The following PCID2 variants were observed in gnomAD, a reference collection of about 807,000 sequenced individuals.
PCID2 encodes the protein PCI domain-containing protein 2.
Under a neutral mutation model 61.3 loss-of-function variants are expected in PCID2, and 41 were observed. That is an observed-to-expected ratio of 0.67 (90% confidence interval 0.52 to 0.87). The LOEUF (loss-of-function observed/expected upper bound fraction) is 0.87. PCID2 is among the 40% of genes least tolerant of loss of function. PCID2 has a pLI of 0.00. For synonymous variants in PCID2, 187 were observed against 177.8 expected (o/e 1.05, Z -0.41); for missense variants, 392 against 493.4 (o/e 0.79, Z 1.95).
intron 2 of PCID2, among the ~76,000 whole-genome samples, chr13:113,200,128 C>A (rs577039343): frequency 6.6e-6 from 1 of 152,116 alleles, no homozygotes; most frequent in Non-Finnish European, 1.5e-5. Context: ...GCTTTGGGGA[C>A]GCACAGGCCT....
intron 5 of PCID2, among the ~76,000 whole-genome samples, chr13:113,195,543 T>C (rs749854470): frequency 6.6e-6 from 1 of 152,086 alleles, no homozygotes; most frequent in Non-Finnish European, 1.5e-5. Context: ...CTGGCAAAAC[T>C]GGACTGTTTT....
chr13:113,196,112 C>G, intron 5 of PCID2, 69 bp downstream of exon 5: 3 of 1,167,182 alleles, frequency 2.6e-6, no homozygotes, highest in African/African-American at 3.0e-5. Flanking sequence ...TTATTTAAAG[C>G]AAATTTGTAA....
chr13:113,206,976 A>G (rs1046356476), intron 1 of PCID2, among the ~76,000 whole-genome samples: 1 of 152,148 alleles, frequency 6.6e-6, no homozygotes, highest in Admixed American at 6.5e-5. Context: ...TTTAAACTTC[A>G]GTTTACACAC....
At chr13:113,172,759 A>C (rs2037138736), downstream of PCID2, among the ~76,000 whole-genome samples, 1 of 152,160 alleles carries the variant, frequency 6.6e-6, no homozygotes. Flanking sequence ...CCGGGGCCCG[A>C]AGTCAGGGCT....
intron 13 of PCID2, among the ~76,000 whole-genome samples, chr13:113,178,711 T>C (rs535987592): frequency 7.2e-5 from 11 of 152,274 alleles, no homozygotes; most frequent in Admixed American, 5.9e-4. Flanking sequence ...TGGATTTTGG[T>C]ATCCGAGGGG....
intron 1 of PCID2, among the ~76,000 whole-genome samples, chr13:113,204,475 C>T (rs4907596): frequency 0.23 from 35,528 of 152,126 alleles, 5,261 homozygotes; most frequent in Non-Finnish European, 0.31. Flanking sequence ...TGGGGGCACT[C>T]ACTGGTAGCC....
In PCID2 at chr13:113,181,181, C is replaced by G; in HGVS notation, c.735G>C (p.Gln245His). 1.2e-6 allele frequency: 2 copies of G among 1,613,878 alleles called. No individual in the cohort carries two copies. Among genetic ancestry groups the G allele is most frequent in the Non-Finnish European group, 1.7e-6 (2 of 1,179,772 alleles). The change falls in exon 10 of 14, where the codon CAG becomes CAC. Residue 245 changes from glutamine (Q) to histidine (H), a missense_variant. By Grantham distance (24) the Gln-to-His change is conservative. Coordinates refer to ENST00000337344, the MANE Select transcript of PCID2 (RefSeq NM_001127202.4). ...AGATCAGAATCATCCTTTTGTTCTT[C>G]TGACTAGAACGGTGACAATGCTCAA... ...FAFEHCHRSS[Q>H]KNKRMILIYL...
intron 1 of PCID2, among the ~76,000 whole-genome samples, chr13:113,205,151 A>T (rs1267338530): frequency 6.6e-6 from 1 of 152,234 alleles, no homozygotes; most frequent in African/African-American, 2.4e-5. Context: ...AAACTCTTGA[A>T]AGACAATATG....
At chr13:113,187,576 T>C (rs1343822751) in intron 7 of PCID2, 3 of 152,236 alleles carry the variant, frequency 2.0e-5, no homozygotes, top group Non-Finnish European at 4.4e-5. Context: ...CATTAGTCAT[T>C]GGTGACTAAG....
intron 1 of PCID2, among the ~76,000 whole-genome samples, chr13:113,202,838 GTTAC>G (rs2039529860): frequency 6.6e-6 from 1 of 152,144 alleles, no homozygotes; most frequent in Non-Finnish European, 1.5e-5. Flanking sequence ...TTAAATATAA[GTTAC>G]TTACAACCCC....
chr13:113,198,419 G>A (rs568876351), intron 2 of PCID2, among the ~76,000 whole-genome samples, 155 bp from the exon 3 acceptor site: 1 of 152,248 alleles, frequency 6.6e-6, no homozygotes, highest in South Asian at 2.1e-4. Flanking sequence ...AAAGGTTCAG[G>A]CCGTGAGCAC....
At chr13:113,191,354 C>G (rs1031024639) in intron 6 of PCID2, among the ~76,000 whole-genome samples, 4 of 151,724 alleles carry the variant, frequency 2.6e-5, no homozygotes, top group African/African-American at 9.7e-5. Flanking sequence ...TTTCTTGAAG[C>G]AAAAAATGGG....
At chr13:113,195,220 C>G in intron 5 of PCID2, 95 bp from the exon 6 acceptor site, 1 of 798,798 alleles carries the variant, frequency 1.3e-6, no homozygotes, top group South Asian at 1.4e-5. Flanking sequence ...GGGCTACTAT[C>G]CAGAATGGAG....
chr13:113,173,693 T>G (rs2037149995), downstream of PCID2, among the ~76,000 whole-genome samples: 1 of 152,124 alleles, frequency 6.6e-6, no homozygotes, highest in African/African-American at 2.4e-5. Context: ...TAAGGCAAAT[T>G]AATGGGGAGG....
rs1045307729 is a variant in PCID2, at chr13:113,191,068, C to G, written c.364-93G>C. The G allele has an allele frequency of 3.7e-5, 29 of 779,080 alleles. No homozygotes were observed. In the South Asian group the frequency reaches 5.2e-4, roughly 14 times the overall value. 48.3% of individuals were successfully genotyped at this position (779,080 alleles called of 1,614,324 possible). A position where few individuals can be genotyped will look rare whatever the true frequency, so the allele number is the denominator to read the frequency against. ...ACTGCAGTGGCACAATCACACCTCA[C>G]TGCAGCCTCAACCTCCTGGGCTCCA... is the stretch of plus-strand genomic sequence containing the variant. On this transcript the variant is annotated intron_variant, in intron 6 of 13. Transcript: ENST00000337344.
At chr13:113,181,283 C>T (rs2037615119) in intron 9 of PCID2, 53 bp from the exon 10 acceptor site, 3 of 1,087,982 alleles carry the variant, frequency 2.8e-6, no homozygotes, top group African/African-American at 3.1e-5. Context: ...TGCTTCAGGC[C>T]CCTTCCTGCT....
chr13:113,205,571 G>C (rs1328005325), intron 1 of PCID2, among the ~76,000 whole-genome samples: 1 of 152,090 alleles, frequency 6.6e-6, no homozygotes, highest in South Asian at 2.1e-4. Flanking sequence ...CAGCACAACA[G>C]CCAAAAAGAG....
intron 2 of PCID2, among the ~76,000 whole-genome samples, chr13:113,198,565 T>C (rs930737121): frequency 1.3e-5 from 2 of 152,130 alleles, no homozygotes; most frequent in Non-Finnish European, 2.9e-5. Context: ...ATTAGCTGGA[T>C]GTGGTGGTAC....
chr13:113,182,344 A>C (rs2037717242), intron 9 of PCID2, among the ~76,000 whole-genome samples: 1 of 152,178 alleles, frequency 6.6e-6, no homozygotes, highest in African/African-American at 2.4e-5. Context: ...ACCCACGAGG[A>C]GCCCTGTGGG....
Sources: allele counts gnomAD v4.1 joint callset (sites outside exome capture counted in the v4.1 genomes callset), GRCh38; gene constraint gnomAD v4.1.1; transcripts MANE v1.5; gene names NCBI Gene and HGNC (gene_info 2026-07-23, HGNC 2026-07-21).